The following HMGB1 variants were observed in gnomAD, a reference collection of about 807,000 sequenced individuals.
The protein encoded by HMGB1 is high mobility group protein B1.
For missense variants in HMGB1, 79 were observed against 253.5 expected (o/e 0.31, Z 4.67); for synonymous variants, 81 against 84.0 (o/e 0.96, Z 0.19).
chr13:30,503,184 A>G (rs1593278898), intron 1 of HMGB1, among the ~76,000 whole-genome samples: 1 of 151,996 alleles, frequency 6.6e-6, no homozygotes, highest in Non-Finnish European at 1.5e-5. Context: ...AAAATACAAA[A>G]AAAAAGAAAA....
rs772141808 is a variant in HMGB1 at position 30,461,706 on chromosome 13, A to G, written c.472-173T>C. The G allele has an allele frequency of 2.0e-5, 30 of 1,531,434 alleles. No homozygotes were observed. In the South Asian group the frequency reaches 2.6e-4, roughly 13 times the overall value. The allele number at this position is 1,531,434 out of a possible 1,614,324, so 94.9% of individuals were successfully genotyped here. ...AACTAGAACTTCAATAAATGAACAT[A>G]AAAATACAAGATCATTATAACAATC... On this transcript the variant is annotated intron_variant, in intron 4 of 4. Transcript: ENST00000341423.
At chr13:30,506,082 T>C (rs1172816650) in intron 1 of HMGB1, among the ~76,000 whole-genome samples, 2 of 152,156 alleles carry the variant, frequency 1.3e-5, no homozygotes, top group African/African-American at 4.8e-5. Flanking sequence ...CTAAACTGGC[T>C]GACCAAGGCA....
At chr13:30,483,824 G>C (rs1295395832) in intron 1 of HMGB1, among the ~76,000 whole-genome samples, 1 of 152,168 alleles carries the variant, frequency 6.6e-6, no homozygotes, top group East Asian at 1.9e-4. Flanking sequence ...ATGTTGCCCA[G>C]GCTGGTCTCA....
At chr13:30,572,230 C>T (rs533015758) in intron 1 of HMGB1, among the ~76,000 whole-genome samples, 2 of 152,240 alleles carry the variant, frequency 1.3e-5, no homozygotes, top group South Asian at 4.1e-4. Flanking sequence ...ACCTTTCTTC[C>T]CCCACACATG....
upstream of HMGB1, among the ~76,000 whole-genome samples, chr13:30,467,013 G>T (rs1886807254): frequency 6.6e-6 from 1 of 152,232 alleles, no homozygotes; most frequent in South Asian, 2.1e-4. Flanking sequence ...GGCAGAGAGT[G>T]CATGTGCCCA....
chr13:30,499,044 C>T (rs1887678538), intron 1 of HMGB1, among the ~76,000 whole-genome samples: 1 of 151,832 alleles, frequency 6.6e-6, no homozygotes, highest in Non-Finnish European at 1.5e-5. Context: ...CCTCCGCCTC[C>T]TGGGTTCAAG....
At chr13:30,470,603 C>G (rs1043974018), upstream of HMGB1, among the ~76,000 whole-genome samples, 3 of 152,154 alleles carry the variant, frequency 2.0e-5, no homozygotes, top group Non-Finnish European at 2.9e-5. Context: ...CAGAAAACTG[C>G]AAGATTGTCT....
At chr13:30,610,906 T>TA (rs1228878857) in intron 1 of HMGB1, among the ~76,000 whole-genome samples, 1 of 152,170 alleles carries the variant, frequency 6.6e-6, no homozygotes, top group Non-Finnish European at 1.5e-5. Context: ...AAAATCTTTT[T>TA]AAAAAATGAA....
chr13:30,464,433 TG>T, intron 1 of HMGB1: 1 of 985,252 alleles, frequency 1.0e-6, no homozygotes, highest in Non-Finnish European at 1.2e-6. Context: ...AAGTATTTTT[TG>T]GAGCCGTGAA....
intron 1 of HMGB1, among the ~76,000 whole-genome samples, chr13:30,589,309 A>T (rs760573354): frequency 2.6e-5 from 4 of 152,098 alleles, no homozygotes; most frequent in Admixed American, 2.0e-4. Context: ...CCGGCCTATC[A>T]TTCTTATTTT....
chr13:30,527,268 T>G (rs1888390349), intron 1 of HMGB1, among the ~76,000 whole-genome samples: 1 of 152,200 alleles, frequency 6.6e-6, no homozygotes, highest in Non-Finnish European at 1.5e-5. Context: ...TTGCCAGAAC[T>G]GAAACTTCAG....
At chr13:30,532,048 A>T (rs1888507519) in intron 1 of HMGB1, among the ~76,000 whole-genome samples, 3 of 152,008 alleles carry the variant, frequency 2.0e-5, no homozygotes, top group African/African-American at 4.8e-5. Context: ...ATGTATTTTT[A>T]AAAAATCAGG....
chr13:30,546,012 C>T (rs1030650018), intron 1 of HMGB1, among the ~76,000 whole-genome samples: 1 of 152,182 alleles, frequency 6.6e-6, no homozygotes, highest in Non-Finnish European at 1.5e-5. Flanking sequence ...ACACTGGCTA[C>T]ATTTCAGGTG....
intron 1 of HMGB1, among the ~76,000 whole-genome samples, chr13:30,519,502 C>G (rs111566354): frequency 6.7e-6 from 1 of 149,446 alleles, no homozygotes; most frequent in East Asian, 2.0e-4. Flanking sequence ...GAGACCATCC[C>G]GGCTAACACA....
At chr13:30,486,068 G>A (rs1026955428) in intron 1 of HMGB1, among the ~76,000 whole-genome samples, 3 of 152,162 alleles carry the variant, frequency 2.0e-5, no homozygotes, top group Admixed American at 6.5e-5. Flanking sequence ...CCAAGATAGG[G>A]ATGTTGGAGA....
intron 1 of HMGB1, among the ~76,000 whole-genome samples, chr13:30,575,161 A>G (rs1287561803): frequency 2.0e-5 from 3 of 152,228 alleles, no homozygotes; most frequent in African/African-American, 4.8e-5. Flanking sequence ...AGCCTTTTAT[A>G]TTAAGTTCAT....
chr13:30,612,034 C>T (rs766168798), intron 1 of HMGB1, among the ~76,000 whole-genome samples: 1 of 152,060 alleles, frequency 6.6e-6, no homozygotes, highest in African/African-American at 2.4e-5. Context: ...GATAACTCAT[C>T]AACAAATATG....
intron 1 of HMGB1, chr13:30,553,702 A>G: frequency 1.0e-6 from 1 of 956,222 alleles, no homozygotes; most frequent in Admixed American, 1.8e-5. Flanking sequence ...GAGTTCAAGG[A>G]GTTGGATGCT....
chr13:30,476,566 T>C (rs1887102994), intron 1 of HMGB1, among the ~76,000 whole-genome samples: 2 of 152,204 alleles, frequency 1.3e-5, no homozygotes, highest in African/African-American at 4.8e-5. Context: ...GCACTATACA[T>C]AGAGTATTTT....
Sources: gnomAD v4.1 joint callset for allele counts (sites outside exome capture counted in the v4.1 genomes callset) on GRCh38, gnomAD v4.1.1 for gene constraint, MANE v1.5 for transcripts, NCBI Gene and HGNC (gene_info 2026-07-23, HGNC 2026-07-21) for gene names.